The following HIBADH variants were observed in gnomAD, a reference collection of about 807,000 sequenced individuals.
HIBADH encodes 3-hydroxyisobutyrate dehydrogenase, also known as 3-hydroxyisobutyrate dehydrogenase, mitochondrial.
In HIBADH, 25 loss-of-function variants were observed where a neutral mutation model predicts 36.1. That is an observed-to-expected ratio of 0.69 (90% confidence interval 0.50 to 0.97). The LOEUF is 0.97. HIBADH is among the 50% of genes least tolerant of loss of function. HIBADH has a pLI of 0.00. For missense variants in HIBADH, 421 were observed against 418.0 expected, an observed-to-expected ratio of 1.01 and a Z score of -0.06; for synonymous variants, 160 against 149.5, an observed-to-expected ratio of 1.07 and a Z score of -0.51.
At chr7:27,612,807 A>G (rs998132805) in intron 4 of HIBADH, among the ~76,000 whole-genome samples, 4 of 149,942 alleles carry the variant, frequency 2.7e-5, no homozygotes, top group African/African-American at 9.8e-5. Flanking sequence ...ATGGTGGTGC[A>G]TGCCTATAGT....
At chr7:27,604,252 G>A (rs1007990365) in intron 4 of HIBADH, among the ~76,000 whole-genome samples, 2 of 151,924 alleles carry the variant, frequency 1.3e-5, no homozygotes, top group African/African-American at 4.8e-5. Flanking sequence ...TAATATTATA[G>A]AAATAACTAG....
At chr7:27,655,917 T>C (rs992041752) in intron 1 of HIBADH, among the ~76,000 whole-genome samples, 2 of 152,144 alleles carry the variant, frequency 1.3e-5, no homozygotes, top group Non-Finnish European at 2.9e-5. Flanking sequence ...TACTGTCAAA[T>C]TGTATATTAG....
rs111358317 is a variant in HIBADH at position 27,558,315 on chromosome 7, T to C, written c.485-15215A>G. Reference sequence around the variant, plus strand: ...TGTTTTATTCTAGTTTATTGAGTTTTAGAGGATCTGCTTATTTTCCATTTT... The same window carrying C: ...TGTTTTATTCTAGTTTATTGAGTTTCAGAGGATCTGCTTATTTTCCATTTT... On this transcript the variant is annotated intron_variant, in intron 4 of 7. Coordinates refer to ENST00000265395, the MANE Select transcript of HIBADH (RefSeq NM_152740.4). Among the ~76,000 whole-genome samples, 760 of 152,316 alleles carry C rather than the reference T, an allele frequency of 5.0e-3. 11 individuals carry two copies. Among genetic ancestry groups the C allele is most frequent in the African/African-American group, 0.017 (717 of 41,568 alleles).
intron 4 of HIBADH, among the ~76,000 whole-genome samples, chr7:27,560,993 G>A (rs768019383): frequency 1.3e-5 from 2 of 152,138 alleles, no homozygotes; most frequent in Non-Finnish European, 2.9e-5. Context: ...TTTAATAGTA[G>A]CCATTCTCAT....
intron 2 of HIBADH, among the ~76,000 whole-genome samples, chr7:27,645,356 C>T (rs1786043573): frequency 9.8e-6 from 1 of 102,324 alleles, no homozygotes; most frequent in African/African-American, 4.9e-5. Flanking sequence ...GTGGGTGTGT[C>T]TCATGGTTTT....
At chr7:27,536,519 T>C (rs1457852723) in intron 6 of HIBADH, among the ~76,000 whole-genome samples, 1 of 152,146 alleles carries the variant, frequency 6.6e-6, no homozygotes, top group Non-Finnish European at 1.5e-5. Context: ...ACTCTATTAA[T>C]TGCTTCTGCT....
chr7:27,658,652 G>GT (rs1257538969), intron 1 of HIBADH, among the ~76,000 whole-genome samples: 1 of 152,094 alleles, frequency 6.6e-6, no homozygotes, highest in Non-Finnish European at 1.5e-5. Flanking sequence ...GTATACAGTT[G>GT]TAAGGGGAAG....
At position 27,614,625 on chromosome 7, in the gene HIBADH, T is replaced by A. The variant is rs138148603; in HGVS notation, c.484+14746A>T. 2.6e-3 allele frequency among the ~76,000 whole-genome samples: 399 copies of A among 152,330 alleles called. 3 individuals are homozygous for A. Among genetic ancestry groups the A allele is most frequent in the African/African-American group, 8.9e-3 (368 of 41,574 alleles). ...CAGTTGTCCTTGCAATAGCATGGATTTCATACTATCATTGTTGCTATATAA... is the reference window on the plus strand; with the variant it reads ...CAGTTGTCCTTGCAATAGCATGGATATCATACTATCATTGTTGCTATATAA... On this transcript the variant is annotated intron_variant, in intron 4 of 7. Transcript: ENST00000265395.
intron 4 of HIBADH, among the ~76,000 whole-genome samples, chr7:27,596,028 C>T (rs920285948): frequency 1.3e-5 from 2 of 152,172 alleles, no homozygotes; most frequent in African/African-American, 4.8e-5. Context: ...TGAATAAATG[C>T]TCTTTTTCCT....
chr7:27,613,147 T>TATATTTATATAAATATA (rs1785357639), intron 4 of HIBADH, among the ~76,000 whole-genome samples: 1 of 120,626 alleles, frequency 8.3e-6, no homozygotes, highest in South Asian at 2.3e-4. Context: ...TATAAATATA[T>TATATTTATATAAATATA]TTTATATAAA....
chr7:27,662,869 G>A lies in HIBADH; in HGVS notation c.-81C>T, dbSNP rs536994170. On this transcript the variant is annotated 5_prime_UTR_variant, in exon 1 of 8. Transcript: ENST00000265395. ...GACTGCGAGCGTGTGCAGCGGGACT[G>A]GCTGGCTCGCCCACGGAGAAGGGCG... 16 of 1,165,120 alleles carry A rather than the reference G, an allele frequency of 1.4e-5. No individual in the cohort carries two copies. The South Asian group carries it at 2.1e-4, about 16-fold the overall frequency. 72.2% of individuals were successfully genotyped at this position (1,165,120 alleles called of 1,614,324 possible).
At chr7:27,585,646 A>C (rs981646672) in intron 4 of HIBADH, among the ~76,000 whole-genome samples, 3 of 152,220 alleles carry the variant, frequency 2.0e-5, no homozygotes, top group Non-Finnish European at 2.9e-5. Flanking sequence ...AAGCATTTGT[A>C]AGACGATTCA....
intron 2 of HIBADH, among the ~76,000 whole-genome samples, chr7:27,646,683 C>A (rs1167911836): frequency 6.8e-6 from 1 of 147,188 alleles, no homozygotes; most frequent in African/African-American, 2.5e-5. Context: ...CACAACCACG[C>A]CCAGCATTTT....
chr7:27,540,690 C>A (rs1373151890), intron 5 of HIBADH, among the ~76,000 whole-genome samples: 3 of 152,256 alleles, frequency 2.0e-5, no homozygotes, highest in Admixed American at 6.5e-5. Context: ...GTGTAATGAG[C>A]CTTAAAGGTC....
At chr7:27,660,723 T>A (rs1786400140) in intron 1 of HIBADH, among the ~76,000 whole-genome samples, 1 of 152,126 alleles carries the variant, frequency 6.6e-6, no homozygotes, top group Non-Finnish European at 1.5e-5. Context: ...AACCACTTCA[T>A]CACAAAAGAA....
At chr7:27,657,603 G>A (rs1786330939) in intron 1 of HIBADH, among the ~76,000 whole-genome samples, 1 of 152,084 alleles carries the variant, frequency 6.6e-6, no homozygotes. Flanking sequence ...CAACATGAAT[G>A]TGAATGAAGA....
chr7:27,616,236 T>C (rs1785424640), intron 4 of HIBADH, among the ~76,000 whole-genome samples: 1 of 152,136 alleles, frequency 6.6e-6, no homozygotes, highest in Non-Finnish European at 1.5e-5. Flanking sequence ...GAGAATTCAC[T>C]CACTCCTCAC....
At chr7:27,544,572 TA>T (rs1346665585) in intron 4 of HIBADH, among the ~76,000 whole-genome samples, 3 of 152,242 alleles carry the variant, frequency 2.0e-5, no homozygotes, top group Non-Finnish European at 4.4e-5. Flanking sequence ...ATCAAGATGG[TA>T]AACCATTAAT....
chr7:27,650,076 T>C lies in HIBADH; in HGVS notation c.92-443A>G, dbSNP rs73684022. ...AACATTCTTTTACCATTTTTAACAATAAACTAAATAATGTTATCATTTATA... is the reference window on the plus strand; with the variant it reads ...AACATTCTTTTACCATTTTTAACAACAAACTAAATAATGTTATCATTTATA... On this transcript the variant is annotated intron_variant, in intron 1 of 7. Coordinates refer to ENST00000265395, the MANE Select transcript of HIBADH (RefSeq NM_152740.4). 4.2e-3 allele frequency among the ~76,000 whole-genome samples: 641 copies of C among 152,234 alleles called. 5 individuals are homozygous for C. Among genetic ancestry groups the C allele is most frequent in the African/African-American group, 0.015 (609 of 41,546 alleles).
Sources: allele counts gnomAD v4.1 joint callset (sites outside exome capture counted in the v4.1 genomes callset), GRCh38; gene constraint gnomAD v4.1.1; transcripts MANE v1.5; gene names NCBI Gene and HGNC (gene_info 2026-07-23, HGNC 2026-07-21).